LSR: variants seen among roughly 807,000 people sequenced by gnomAD.
LSR encodes the protein lipolysis stimulated lipoprotein receptor.
Under a neutral mutation model 61.8 loss-of-function variants are expected in LSR, and 44 were observed. The ratio of observed to expected loss-of-function variants is 0.71; its 90% CI spans 0.56 to 0.91. The LOEUF (loss-of-function observed/expected upper bound fraction) is 0.91, where lower values mean the gene tolerates loss of function less well. Among genes scored for constraint, LSR ranks in the 40% least tolerant of loss-of-function variants. The pLI is 0.00. For synonymous variants in LSR, 397 were observed against 350.6 expected (o/e 1.13, Z -1.48); for missense variants, 911 against 830.5 (o/e 1.10, Z -1.19).
At chr19:35,267,003 G>T in intron 8 of LSR, 36 bp downstream of exon 8, 8 of 1,587,382 alleles carry the variant, frequency 5.0e-6, no homozygotes, top group Non-Finnish European at 6.8e-6. Context: ...GGCTTTTAAG[G>T]TGGGGGGGTG....
chr19:35,266,931 TCTCGACCTGGC>T lies in LSR; in HGVS notation c.1110_1120del (p.Arg371ProfsTer11). 6.2e-7 allele frequency: 1 copy of T among 1,613,686 alleles called. No individual in the cohort carries two copies. The highest frequency in any genetic ancestry group is 8.5e-7 in the Non-Finnish European group (1 of 1,179,858). The stretch of plus-strand genomic sequence containing the variant: ...GAAGGAGCTGGCCAACTTCGACCCT[TCTCGACCTGGC>T]CCCCCCAGTGGCCGTGTGGAGCGGG... On this transcript the variant is annotated frameshift_variant, in exon 8 of 10. Transcript: ENST00000605618. LOFTEE classifies it high-confidence loss of function.
chr19:35,249,039 G>A lies in LSR; in HGVS notation c.17G>A (p.Gly6Asp), dbSNP rs752460134. 5.6e-6 allele frequency: 9 copies of A among 1,594,374 alleles called. No individual in the cohort carries two copies. The Admixed American group carries it at 8.8e-5, about 16-fold the overall frequency. MALLA[G>D]GLSRGLGSHP... ...ACGGCCGCGATGGCGCTGTTGGCCG[G>A]CGGGCTCTCCAGAGGGCTGGGCTCC... Residue 6 changes from glycine to aspartate, a missense_variant, in exon 1 of 10, where the codon GGC becomes GAC. Gly to Asp is a moderately conservative substitution (Grantham distance 94). Coordinates refer to ENST00000605618, the MANE Select transcript of LSR (RefSeq NM_205834.4).
intron 6 of LSR, 28 bp from the exon 7 acceptor site, chr19:35,266,651 G>C (rs560345701): frequency 6.2e-7 from 1 of 1,601,454 alleles, no homozygotes; most frequent in Non-Finnish European, 8.5e-7. Flanking sequence ...CTCCTGGTGC[G>C]CGGCCACTGA....
chr19:35,255,383 G>A (rs2065843840), intron 2 of LSR, among the ~76,000 whole-genome samples: 1 of 152,118 alleles, frequency 6.6e-6, no homozygotes, highest in Non-Finnish European at 1.5e-5. Context: ...GGATTTAGGA[G>A]AACCTAGTTT....
Position 35,266,886 on chromosome 19 carries a change from C to T in LSR, c.1063C>T (p.Arg355Trp), listed in dbSNP as rs752172551. Residue 355 changes from arginine to tryptophan, a missense_variant, in exon 8 of 10, where the codon CGG (arginine) becomes TGG (tryptophan). Coordinates refer to ENST00000605618, the MANE Select transcript of LSR (RefSeq NM_205834.4). ...IQASQQDDSM[R>W]VLYYMEKELA... ...GGCCAGCCAGCAGGACGACTCCATG[C>T]GGGTCCTGTACTACATGGAGAAGGA... 14 of 1,612,704 alleles carry T rather than the reference C, an allele frequency of 8.7e-6. No individual in the cohort carries two copies. The highest frequency in any genetic ancestry group is 1.7e-4 in the Middle Eastern group (1 of 6,044).
chr19:35,265,070 G>A (rs2065979315), intron 5 of LSR, among the ~76,000 whole-genome samples: 1 of 152,172 alleles, frequency 6.6e-6, no homozygotes, highest in Non-Finnish European at 1.5e-5. Flanking sequence ...TCAGTGGTGT[G>A]CAACCTGGTT....
At position 35,267,626 on chromosome 19, in the gene LSR, G is replaced by A. The variant is rs1458913492; in HGVS notation, c.1662G>A (p.Glu554=). The A allele has an allele frequency of 1.2e-6, 2 of 1,612,266 alleles. No individual in the cohort carries two copies. Among genetic ancestry groups the A allele is most frequent in the Non-Finnish European group, 1.7e-6 (2 of 1,179,484 alleles). ...CTGTGAGGAAGAAGGGGTCGGAGGA[G>A]AGGAGGAGACCCCACAAGGAGGAGG... ...EEAVRKKGSE[E]RRRPHKEEEE... is the part of the protein sequence containing the mutation. Residue 554 remains glutamate, a synonymous_variant, in exon 9 of 10, where the codon GAG becomes GAA. Transcript: ENST00000605618.
chr19:35,263,873 C>A (rs949150170), intron 5 of LSR, among the ~76,000 whole-genome samples: 1 of 151,274 alleles, frequency 6.6e-6, no homozygotes, highest in Non-Finnish European at 1.5e-5. Context: ...GTGGCGTGAT[C>A]TCTGCTCACT....
chr19:35,266,360 G>A lies in LSR; in HGVS notation c.780G>A (p.Leu260=), dbSNP rs780602936. ...CPDKCCCPEA[L]YAAGKAATSG... is the part of the protein sequence containing the mutation. ...CTCCTGTTGATTGTGTCCTCACAGT[G>A]TATGCCGCCGGCAAAGCAGCCACCT... Residue 260 remains leucine, a splice_region_variant and synonymous_variant, in exon 6 of 10, where the codon CTG becomes CTA. Transcript: ENST00000605618. 1.9e-6 allele frequency: 3 copies of A among 1,578,876 alleles called. No individual in the cohort carries two copies. In the South Asian group the frequency reaches 3.5e-5, roughly 19 times the overall value.
intron 1 of LSR, among the ~76,000 whole-genome samples, chr19:35,249,828 T>G (rs2065767056): frequency 2.6e-5 from 4 of 152,170 alleles, no homozygotes; most frequent in Admixed American, 2.6e-4. Context: ...GTGGGGGCTT[T>G]AGTCCCTCCA....
rs748542666 is a variant in LSR at position 35,266,370 on chromosome 19, G to T, written c.790G>T (p.Gly264Cys). 6.3e-7 allele frequency: 1 copy of T among 1,586,030 alleles called. No individual in the cohort carries two copies. The highest frequency in any genetic ancestry group is 8.6e-7 in the Non-Finnish European group (1 of 1,165,430). ...CCCPEALYAAGKAATSGVPSI... is the reference protein window; with the variant it reads ...CCCPEALYAACKAATSGVPSI... ...TTGTGTCCTCACAGTGTATGCCGCC[G>T]GCAAAGCAGCCACCTCAGGTGTTCC... The change falls in exon 6 of 10, where the codon GGC becomes TGC. Residue 264 changes from glycine to cysteine, a missense_variant. By Grantham distance (159) the Gly-to-Cys change is radical. Coordinates refer to ENST00000605618, the MANE Select transcript of LSR (RefSeq NM_205834.4).
At chr19:35,256,017 GAGGTCAGGAGTTCC>G (rs1190820167) in intron 2 of LSR, among the ~76,000 whole-genome samples, 4 of 152,116 alleles carry the variant, frequency 2.6e-5, no homozygotes, top group African/African-American at 9.7e-5. Flanking sequence ...CAGATCACTT[GAGGTCAGGAGTTCC>G]AGACCTGCCT....
At chr19:35,250,089 G>A (rs2145487632) in intron 1 of LSR, among the ~76,000 whole-genome samples, 1 of 152,242 alleles carries the variant, frequency 6.6e-6, no homozygotes, top group South Asian at 2.1e-4. Flanking sequence ...CGAGTCCAAG[G>A]AAACTGGCCG....
At position 35,267,704 on chromosome 19, in the gene LSR, G is replaced by C; in HGVS notation, c.1740G>C (p.Ser580=). The C allele has an allele frequency of 1.2e-6, 2 of 1,602,504 alleles. No homozygotes were observed. The highest frequency in any genetic ancestry group is 1.7e-6 in the Non-Finnish European group (2 of 1,175,506). The change falls in exon 9 of 10, where the codon TCG becomes TCC. Residue 580 remains serine, a synonymous_variant. Coordinates refer to ENST00000605618, the MANE Select transcript of LSR (RefSeq NM_205834.4). ...PAPPPYSETD[S]QASRERRLKK... is the part of the protein sequence containing the mutation. The stretch of plus-strand genomic sequence containing the variant: ...CGCCCCCGTACTCGGAGACCGACTC[G>C]CAGGCGTCCCGAGAGCGCAGGCTCA...
In LSR at chr19:35,267,189, G is replaced by A. The variant is rs781723565; in HGVS notation, c.1225G>A (p.Asp409Asn). 2.8e-5 allele frequency: 43 copies of A among 1,523,612 alleles called. No homozygotes were observed. The highest frequency in any genetic ancestry group is 3.6e-5 in the Non-Finnish European group (41 of 1,139,136). 94.4% of individuals were successfully genotyped at this position (1,523,612 alleles called of 1,614,324 possible). Reference sequence around the variant, plus strand: ...GGGCCCTGCCCTCACCCCGATCCGGGATGAGGAGTGGGGTGGCCACTCCCC... The same window carrying A: ...GGGCCCTGCCCTCACCCCGATCCGGAATGAGGAGTGGGGTGGCCACTCCCC... Reference protein sequence around the residue: ...SRGPALTPIRDEEWGGHSPRS... With the variant: ...SRGPALTPIRNEEWGGHSPRS... Residue 409 changes from aspartate (D) to asparagine (N), a missense_variant, in exon 9 of 10, where the codon GAT (aspartate) becomes AAT (asparagine). Transcript: ENST00000605618.
intron 2 of LSR, among the ~76,000 whole-genome samples, chr19:35,251,181 G>A (rs1210525214): frequency 1.3e-5 from 2 of 152,094 alleles, no homozygotes; most frequent in Non-Finnish European, 1.5e-5. Context: ...CATATACCAG[G>A]TGCTGTTCTG....
intron 5 of LSR, among the ~76,000 whole-genome samples, chr19:35,265,600 C>G (rs1442849923): frequency 6.6e-6 from 1 of 152,170 alleles, no homozygotes; most frequent in Non-Finnish European, 1.5e-5. Flanking sequence ...AGCCACTTGC[C>G]TAGGGCCCAG....
chr19:35,267,916 T>C lies in LSR; in HGVS notation c.*57T>C. The C allele has an allele frequency of 6.3e-7, 1 of 1,578,156 alleles. No homozygotes were observed. Among genetic ancestry groups the C allele is most frequent in the Non-Finnish European group, 8.7e-7 (1 of 1,148,962 alleles). The stretch of plus-strand genomic sequence containing the variant: ...TTTTTTTAATTTGAAGGAACACTGA[T>C]GAAGCCCTGCCATACCCCTCCCGAG... On this transcript the variant is annotated 3_prime_UTR_variant, in exon 10 of 10. Coordinates refer to ENST00000605618, the MANE Select transcript of LSR (RefSeq NM_205834.4).
intron 5 of LSR, chr19:35,263,141 C>T (rs949136884): frequency 1.3e-5 from 2 of 156,162 alleles, no homozygotes; most frequent in Non-Finnish European, 2.8e-5. Context: ...ATTAGCTGGG[C>T]ATGGTGGTGA....
Sources: allele counts gnomAD v4.1 joint callset (sites outside exome capture counted in the v4.1 genomes callset), GRCh38; gene constraint gnomAD v4.1.1; transcripts MANE v1.5; gene names NCBI Gene and HGNC (gene_info 2026-07-23, HGNC 2026-07-21).